Variants in MARCHF8 observed in about 807,000 individuals in gnomAD.
MARCHF8 encodes the protein E3 ubiquitin-protein ligase MARCHF8.
Under a neutral mutation model 51.6 loss-of-function variants are expected in MARCHF8, and 40 were observed. That is an observed-to-expected ratio of 0.77 (90% CI 0.60 to 1.01). The LOEUF is 1.01. MARCHF8 is among the 50% of genes least tolerant of loss of function. The pLI is 0.00. For synonymous variants in MARCHF8, 263 were observed against 280.3 expected, an observed-to-expected ratio of 0.94 and a Z score of 0.62; for missense variants, 685 against 708.6, an observed-to-expected ratio of 0.97 and a Z score of 0.38.
chr10:45,563,858 A>G (rs1490173119), intron 1 of MARCHF8, among the ~76,000 whole-genome samples: 1 of 152,252 alleles, frequency 6.6e-6, no homozygotes, highest in Non-Finnish European at 1.5e-5. Flanking sequence ...AGTAAGCACC[A>G]GTCAAAAGTT....
intron 2 of MARCHF8, among the ~76,000 whole-genome samples, chr10:45,510,742 T>C (rs1318697027): frequency 6.6e-6 from 1 of 152,114 alleles, no homozygotes; most frequent in African/African-American, 2.4e-5. Flanking sequence ...CTAGAAAATA[T>C]GAAACAACCA....
At chr10:45,584,126 C>CACATATATAT (rs2044588602) in intron 1 of MARCHF8, among the ~76,000 whole-genome samples, 1 of 85,366 alleles carries the variant, frequency 1.2e-5, no homozygotes, top group Non-Finnish European at 2.3e-5. Context: ...TATATACAAT[C>CACATATATAT]ATATATATAT....
chr10:45,530,163 T>A (rs12269403), intron 2 of MARCHF8, among the ~76,000 whole-genome samples: 16,069 of 152,162 alleles, frequency 0.11, 952 homozygotes, highest in Admixed American at 0.2. Flanking sequence ...CTATCTTAAG[T>A]GAAATAACTC....
At chr10:45,554,718 G>A (rs568524937) in intron 1 of MARCHF8, among the ~76,000 whole-genome samples, 1 of 152,150 alleles carries the variant, frequency 6.6e-6, no homozygotes, top group Non-Finnish European at 1.5e-5. Context: ...TCGGGAATTC[G>A]AGACCAGCCT....
At chr10:45,574,102 T>C (rs1043456891) in intron 1 of MARCHF8, among the ~76,000 whole-genome samples, 8 of 138,790 alleles carry the variant, frequency 5.8e-5, no homozygotes, top group Non-Finnish European at 1.1e-4. Context: ...AACCGTAGTA[T>C]AGTATACCTC....
chr10:45,474,974 T>A (rs915608799), intron 3 of MARCHF8, among the ~76,000 whole-genome samples: 1 of 151,932 alleles, frequency 6.6e-6, no homozygotes, highest in African/African-American at 2.4e-5. Context: ...TCGTGATGGG[T>A]CCCACACACC....
intron 1 of MARCHF8, among the ~76,000 whole-genome samples, chr10:45,557,962 T>C (rs776334638): frequency 6.6e-6 from 1 of 152,190 alleles, no homozygotes; most frequent in Non-Finnish European, 1.5e-5. Flanking sequence ...AGCTATAAAT[T>C]TGGTAATAAT....
intron 2 of MARCHF8, among the ~76,000 whole-genome samples, chr10:45,520,857 A>G (rs35479649): frequency 0.011 from 1,736 of 152,362 alleles, 20 homozygotes; most frequent in Non-Finnish European, 0.014. Flanking sequence ...ATGATTTGAT[A>G]AAAAGAAGCA....
intron 2 of MARCHF8, among the ~76,000 whole-genome samples, chr10:45,519,924 C>G (rs1761126528): frequency 6.6e-6 from 1 of 152,204 alleles, no homozygotes; most frequent in Non-Finnish European, 1.5e-5. Context: ...CCAGGTGACT[C>G]AGAGGGAATG....
At chr10:45,505,059 G>A (rs1219967433) in intron 2 of MARCHF8, among the ~76,000 whole-genome samples, 4 of 152,060 alleles carry the variant, frequency 2.6e-5, no homozygotes, top group African/African-American at 9.7e-5. Flanking sequence ...CTTTAATCAA[G>A]ATCTCACTGT....
intron 3 of MARCHF8, among the ~76,000 whole-genome samples, chr10:45,465,119 C>T (rs1313477556): frequency 6.6e-6 from 1 of 152,054 alleles, no homozygotes; most frequent in East Asian, 1.9e-4. Context: ...GAAATAGGGA[C>T]AGTGAGTGGC....
intron 1 of MARCHF8, chr10:45,553,023 T>G (rs2044212541): frequency 6.6e-6 from 1 of 152,152 alleles, no homozygotes; most frequent in South Asian, 2.1e-4. Flanking sequence ...TAAAATTTTT[T>G]GACAAATTGA....
intron 1 of MARCHF8, among the ~76,000 whole-genome samples, chr10:45,558,916 T>A (rs1048931430): frequency 6.6e-6 from 1 of 152,222 alleles, no homozygotes; most frequent in Admixed American, 6.5e-5. Context: ...AAATATGTAG[T>A]AAAATCAGAA....
chr10:45,572,458 G>A (rs1463838177), intron 1 of MARCHF8, among the ~76,000 whole-genome samples: 1 of 152,062 alleles, frequency 6.6e-6, no homozygotes, highest in Admixed American at 6.5e-5. Context: ...ATTTTCTTCT[G>A]CAATATTTTC....
chr10:45,474,629 G>A (rs993572365), intron 3 of MARCHF8, among the ~76,000 whole-genome samples: 6 of 152,198 alleles, frequency 3.9e-5, no homozygotes, highest in Admixed American at 3.9e-4. Context: ...CAAGATGGCT[G>A]ACTAGAGGCA....
chr10:45,557,288 C>A (rs1206872487), intron 1 of MARCHF8, among the ~76,000 whole-genome samples: 2 of 151,858 alleles, frequency 1.3e-5, no homozygotes, highest in Non-Finnish European at 2.9e-5. Flanking sequence ...GCCATCACGC[C>A]TGGCTAACTT....
intron 1 of MARCHF8, among the ~76,000 whole-genome samples, chr10:45,572,360 C>T (rs2044440425): frequency 6.6e-6 from 1 of 152,114 alleles, no homozygotes; most frequent in African/African-American, 2.4e-5. Context: ...ACCTTCCACC[C>T]TCCATTCCTC....
intron 6 of MARCHF8, among the ~76,000 whole-genome samples, chr10:45,460,384 T>C (rs1349302233): frequency 6.6e-6 from 1 of 152,220 alleles, no homozygotes; most frequent in African/African-American, 2.4e-5. Flanking sequence ...AAACACCCTA[T>C]GAGGCTACCA....
rs375210919 is a variant in MARCHF8, at chr10:45,591,005, C to T, written c.-79+3230G>A. On this transcript the variant is annotated intron_variant, in intron 1 of 6. Transcript: ENST00000319836. ...ACTGATAAACGTACTTTGTAATCTC[C>T]CCCACCCTTAAGAAGGTTCTTTGTA... is the stretch of plus-strand genomic sequence containing the variant. Among the ~76,000 whole-genome samples the T allele has an allele frequency of 1.8e-4, 27 of 152,302 alleles. No homozygotes were observed. The East Asian group carries it at 4.8e-3, about 27-fold the overall frequency.
Sources: gnomAD v4.1 joint callset for allele counts (sites outside exome capture counted in the v4.1 genomes callset) on GRCh38, gnomAD v4.1.1 for gene constraint, MANE v1.5 for transcripts, NCBI Gene and HGNC (gene_info 2026-07-23, HGNC 2026-07-21) for gene names.